PFKFB3: variants seen among roughly 807,000 people sequenced by gnomAD.
PFKFB3 encodes 6-phosphofructo-2-kinase/fructose-2,6-biphosphatase 3.
A neutral mutation model predicts 68.0 loss-of-function variants in PFKFB3; 33 were observed. The observed-to-expected ratio is 0.49, with a 90% CI of 0.37 to 0.65. The LOEUF (loss-of-function observed/expected upper bound fraction) is 0.65, where lower values mean the gene tolerates loss of function less well. Ranked by LOEUF, PFKFB3 falls within the 30% of genes least tolerant of loss-of-function variation. PFKFB3 has a pLI of 0.00. For missense variants in PFKFB3, 586 were observed against 712.2 expected (o/e 0.82, Z 2.02); for synonymous variants, 315 against 288.2 (o/e 1.09, Z -0.94).
chr10:6,224,024 A>C lies in PFKFB3; in HGVS notation c.1276+4A>C, dbSNP rs1351562067. The C allele has an allele frequency of 6.2e-7, 1 of 1,614,120 alleles. No homozygotes were observed. Among genetic ancestry groups the C allele is most frequent in the Non-Finnish European group, 8.5e-7 (1 of 1,179,956 alleles). On this transcript the variant is annotated splice_donor_region_variant and intron_variant, in intron 12 of 14. Coordinates refer to ENST00000379775, the MANE Select transcript of PFKFB3 (RefSeq NM_004566.4). The stretch of plus-strand genomic sequence containing the variant: ...AAACTGACGCCTGTCGCTTATGGTG[A>C]GTAGCAACCCCTGCCAAGCCCTGTC...
chr10:6,199,517 C>G (rs1365087360), upstream of PFKFB3, among the ~76,000 whole-genome samples: 1 of 151,174 alleles, frequency 6.6e-6, no homozygotes. Context: ...CAGGGTCTCA[C>G]TCTGTCACCC....
intron 1 of PFKFB3, among the ~76,000 whole-genome samples, chr10:6,155,254 G>C (rs1050552955): frequency 2.1e-5 from 3 of 143,332 alleles, no homozygotes; most frequent in Non-Finnish European, 4.5e-5. Flanking sequence ...CCAGGCTGGA[G>C]GGCAGTGGCG....
intron 14 of PFKFB3, among the ~76,000 whole-genome samples, chr10:6,253,856 A>G (rs1846436158): frequency 6.6e-6 from 1 of 152,164 alleles, no homozygotes; most frequent in Non-Finnish European, 1.5e-5. Context: ...AGCCTAGCCA[A>G]CATGGCGAAC....
the PFKFB3 span, among the ~76,000 whole-genome samples, chr10:6,295,981 A>G: frequency 3.9e-5 from 6 of 152,198 alleles, no homozygotes; most frequent in African/African-American, 1.2e-4. Flanking sequence ...ACAGTTTCAC[A>G]CACTACAACA....
At chr10:6,298,984 T>C in the PFKFB3 span, among the ~76,000 whole-genome samples, 2 of 152,348 alleles carry the variant, frequency 1.3e-5, no homozygotes, top group South Asian at 4.1e-4. Flanking sequence ...CTAAAACCCA[T>C]GCTGGTGCAT....
At position 6,215,288 on chromosome 10, in the gene PFKFB3, C is replaced by G. The variant is rs1441636366; in HGVS notation, c.270C>G (p.Pro90=). 1.2e-6 allele frequency: 2 copies of G among 1,613,868 alleles called. No individual in the cohort carries two copies. ...KQYSSYNFFR[P]DNEEAMKVRK... is the part of the protein sequence containing the mutation. ...ACAGCTCCTACAACTTCTTCCGCCC[C>G]GACAATGAGGAAGCCATGAAAGTCC... is the stretch of plus-strand genomic sequence containing the variant. Residue 90 remains proline, a synonymous_variant, in exon 3 of 15, where the codon CCC becomes CCG. Transcript: ENST00000379775. The surrounding 1 kb of genome is among the most constrained non-coding windows in gnomAD (Gnocchi z 4.3).
intron 14 of PFKFB3, 72 bp from the exon 15 acceptor site, chr10:6,232,823 G>A (rs905082084): frequency 3.2e-5 from 38 of 1,180,172 alleles, no homozygotes; most frequent in Admixed American, 5.1e-5. Flanking sequence ...CATGGCTCGC[G>A]TCTTCTGCTT....
chr10:6,323,152 G>A, the PFKFB3 span, among the ~76,000 whole-genome samples: 2,574 of 152,312 alleles, frequency 0.017, 68 homozygotes, highest in African/African-American at 0.059. Flanking sequence ...GAACCCATTG[G>A]ATATATCTGT....
intron 6 of PFKFB3, among the ~76,000 whole-genome samples, chr10:6,218,257 T>C (rs1241626839): frequency 1.3e-5 from 2 of 152,094 alleles, no homozygotes; most frequent in South Asian, 2.1e-4. Context: ...CACTAGCAGA[T>C]AATCATTTGC....
the PFKFB3 span, among the ~76,000 whole-genome samples, chr10:6,308,008 C>T: frequency 6.6e-6 from 1 of 152,180 alleles, no homozygotes; most frequent in Non-Finnish European, 1.5e-5. Context: ...TGGGATAACA[C>T]AGAGAAAACC....
intron 1 of PFKFB3, among the ~76,000 whole-genome samples, chr10:6,196,710 G>A (rs191825253): frequency 7.4e-4 from 112 of 152,178 alleles, no homozygotes; most frequent in East Asian, 6.4e-3. Flanking sequence ...CAGACGGAGG[G>A]TGGGTCTGCC....
intron 14 of PFKFB3, among the ~76,000 whole-genome samples, chr10:6,230,459 A>C (rs911886098): frequency 6.6e-6 from 1 of 152,200 alleles, no homozygotes; most frequent in Non-Finnish European, 1.5e-5. Context: ...TAATAACTTC[A>C]TAAAGTTGTC....
chr10:6,163,031 C>T (rs1842012045), intron 1 of PFKFB3, among the ~76,000 whole-genome samples: 1 of 152,174 alleles, frequency 6.6e-6, no homozygotes, highest in Admixed American at 6.5e-5. Context: ...CCTCTCCTTC[C>T]CCCGTCCCAT....
At chr10:6,314,532 T>C in the PFKFB3 span, among the ~76,000 whole-genome samples, 1 of 152,368 alleles carries the variant, frequency 6.6e-6, no homozygotes, top group South Asian at 2.1e-4. Flanking sequence ...ATGTGCTCTT[T>C]ACAGTATTAC....
intron 1 of PFKFB3, among the ~76,000 whole-genome samples, chr10:6,169,820 C>T (rs1351663295): frequency 1.3e-5 from 2 of 152,212 alleles, no homozygotes; most frequent in African/African-American, 4.8e-5. Flanking sequence ...TGGCTTCTGC[C>T]TGGCTCCCGG....
intron 1 of PFKFB3, chr10:6,152,101 C>T (rs1841611273): frequency 6.5e-6 from 1 of 154,508 alleles, no homozygotes; most frequent in Non-Finnish European, 1.5e-5. Context: ...GTTTTCTAGT[C>T]TGTTCCATTT....
At position 6,226,178 on chromosome 10, in the gene PFKFB3, T is replaced by C; in HGVS notation, c.1342-14T>C. 1 of 1,552,756 alleles carries C rather than the reference T, an allele frequency of 6.4e-7. No individual in the cohort carries two copies. Among genetic ancestry groups the C allele is most frequent in the Non-Finnish European group, 8.7e-7 (1 of 1,149,970 alleles). ...AACTGTCGCCTTTCTCTCTTTTGTC[T>C]TTGTCTTGCTTAGGATGCAAAGAAG... On this transcript the variant is annotated splice_polypyrimidine_tract_variant and intron_variant, in intron 13 of 14. Transcript: ENST00000379775.
chr10:6,170,651 A>G (rs1217765921), intron 1 of PFKFB3, among the ~76,000 whole-genome samples: 1 of 152,192 alleles, frequency 6.6e-6, no homozygotes, highest in African/African-American at 2.4e-5. Flanking sequence ...GAGGGAGCAA[A>G]AGTAGAGGGT....
chr10:6,269,168 A>G, the PFKFB3 span, among the ~76,000 whole-genome samples: 1 of 151,746 alleles, frequency 6.6e-6, no homozygotes. Flanking sequence ...TCTTCCCTGA[A>G]TGGCGATTCT....
Sources: allele counts gnomAD v4.1 joint callset (sites outside exome capture counted in the v4.1 genomes callset), GRCh38; gene constraint gnomAD v4.1.1; non-coding constraint Gnocchi (gnomAD v3.1); transcripts MANE v1.5; gene names NCBI Gene and HGNC (gene_info 2026-07-23, HGNC 2026-07-21).